The following IL1RAPL1 variants were observed in gnomAD, a reference collection of about 807,000 sequenced individuals.
IL1RAPL1 encodes the protein interleukin-1 receptor accessory protein-like 1.
IL1RAPL1 carries 3 observed loss-of-function variants against 48.4 expected under a neutral mutation model. The ratio of observed to expected loss-of-function variants is 0.06; its 90% CI spans 0.03 to 0.16. The LOEUF (loss-of-function observed/expected upper bound fraction) is 0.16, where lower values mean the gene tolerates loss of function less well. Ranked by LOEUF, IL1RAPL1 falls within the 10% of genes least tolerant of loss-of-function variation. IL1RAPL1 has a pLI of 1.00. For missense variants in IL1RAPL1, 349 were observed against 530.6 expected, an observed-to-expected ratio of 0.66 and a Z score of 3.36; for synonymous variants, 185 against 187.7, an observed-to-expected ratio of 0.99 and a Z score of 0.12.
chrX:29,175,006 G>A (rs781770554), intron 2 of IL1RAPL1, among the ~76,000 whole-genome samples: 14 of 107,058 alleles, frequency 1.3e-4, no homozygotes, highest in East Asian at 2.9e-4. Flanking sequence ...CCCGGGAGGC[G>A]GAGCTTGCAG....
chrX:28,724,197 T>C (rs2146942069), intron 1 of IL1RAPL1, among the ~76,000 whole-genome samples: 1 of 111,588 alleles, frequency 9.0e-6, no homozygotes, highest in East Asian at 2.8e-4. Flanking sequence ...AGTGCAGCGT[T>C]AAAGTCACCC....
At chrX:29,188,613 G>C (rs1930296770) in intron 2 of IL1RAPL1, among the ~76,000 whole-genome samples, 1 of 90,902 alleles carries the variant, frequency 1.1e-5, no homozygotes, top group Non-Finnish European at 2.1e-5. Context: ...TTGAGATGGA[G>C]TCTTGCTCTG....
At chrX:28,605,915 G>A (rs763875071) in intron 1 of IL1RAPL1, among the ~76,000 whole-genome samples, 2 of 110,107 alleles carry the variant, frequency 1.8e-5, no homozygotes, top group African/African-American at 3.3e-5. Flanking sequence ...AAGTCTCAAG[G>A]CTAACTTCCT....
At chrX:29,427,808 T>G (rs901260737) in intron 5 of IL1RAPL1, among the ~76,000 whole-genome samples, 9 of 111,924 alleles carry the variant, frequency 8.0e-5, no homozygotes, top group Admixed American at 1.9e-4. Flanking sequence ...AAGGGTAGGT[T>G]ATTGTTTAAC....
intron 1 of IL1RAPL1, among the ~76,000 whole-genome samples, chrX:28,670,095 G>C (rs1019215111): frequency 3.6e-5 from 4 of 111,286 alleles, no homozygotes; most frequent in African/African-American, 1.3e-4. Context: ...CCAAGCCTGA[G>C]GACTTTCCCA....
intron 3 of IL1RAPL1, among the ~76,000 whole-genome samples, chrX:29,305,668 G>A (rs747662810): frequency 1.8e-5 from 2 of 111,811 alleles, no homozygotes; most frequent in Non-Finnish European, 3.8e-5. Flanking sequence ...AAAGTATGAG[G>A]AAGTAAATAA....
intron 2 of IL1RAPL1, among the ~76,000 whole-genome samples, chrX:29,173,353 T>C (rs1929945601): frequency 8.9e-6 from 1 of 112,385 alleles, no homozygotes; most frequent in Non-Finnish European, 1.9e-5. Context: ...CAATTTCTAG[T>C]ATCACTGATT....
intron 5 of IL1RAPL1, among the ~76,000 whole-genome samples, chrX:29,605,111 CACACACACACACACACGG>C (rs1421631048): frequency 9.5e-6 from 1 of 105,772 alleles, no homozygotes; most frequent in Non-Finnish European, 2.0e-5. Context: ...CACACACACA[CACACACACACACACACGG>C]AGGGAGGGAG....
chrX:29,604,769 T>C (rs1923834192), intron 5 of IL1RAPL1, among the ~76,000 whole-genome samples: 1 of 111,506 alleles, frequency 9.0e-6, no homozygotes, highest in African/African-American at 3.3e-5. Context: ...TAGAAAGTGC[T>C]TTTTTAACCC....
At chrX:29,491,177 A>G (rs763549782) in intron 5 of IL1RAPL1, among the ~76,000 whole-genome samples, 2 of 111,932 alleles carry the variant, frequency 1.8e-5, no homozygotes, top group South Asian at 7.4e-4. Flanking sequence ...ATTTGAAGTG[A>G]CTGAGTATTC....
At chrX:29,131,152 C>T (rs1397134718) in intron 2 of IL1RAPL1, among the ~76,000 whole-genome samples, 2 of 111,670 alleles carry the variant, frequency 1.8e-5, no homozygotes, top group Non-Finnish European at 3.8e-5. Context: ...CAGTGCTAGG[C>T]TCTTGCCATT....
At chrX:29,896,475 G>A (rs1333584226) in intron 6 of IL1RAPL1, among the ~76,000 whole-genome samples, 1 of 112,185 alleles carries the variant, frequency 8.9e-6, no homozygotes. Context: ...TGTGGAGTTT[G>A]TGTGTATACA....
At chrX:28,881,360 G>A (rs1159263959) in intron 2 of IL1RAPL1, among the ~76,000 whole-genome samples, 1 of 111,931 alleles carries the variant, frequency 8.9e-6, no homozygotes, top group Non-Finnish European at 1.9e-5. Flanking sequence ...TGGCCTCAAC[G>A]TCTTATCATT....
chrX:28,653,930 T>A (rs1934717917), intron 1 of IL1RAPL1, among the ~76,000 whole-genome samples: 1 of 111,903 alleles, frequency 8.9e-6, no homozygotes, highest in African/African-American at 3.3e-5. Flanking sequence ...GACCCTTTTA[T>A]ATATGCCATC....
intron 9 of IL1RAPL1, among the ~76,000 whole-genome samples, chrX:29,948,847 A>G (rs377342829): frequency 6.4e-4 from 44 of 69,029 alleles, no homozygotes; most frequent in African/African-American, 2.0e-3. Context: ...AAAAAAAAAG[A>G]AAAAAAAAAA....
At chrX:28,678,583 G>A (rs1289989337) in intron 1 of IL1RAPL1, among the ~76,000 whole-genome samples, 3 of 111,444 alleles carry the variant, frequency 2.7e-5, no homozygotes, top group Non-Finnish European at 5.7e-5. Flanking sequence ...AGTCCCAATA[G>A]ACCATAGAGA....
intron 2 of IL1RAPL1, among the ~76,000 whole-genome samples, chrX:29,055,169 A>G (rs1271441206): frequency 1.8e-5 from 2 of 111,457 alleles, no homozygotes; most frequent in East Asian, 5.6e-4. Flanking sequence ...AACCTTTACT[A>G]TTCCTCAGTT....
intron 6 of IL1RAPL1, among the ~76,000 whole-genome samples, chrX:29,755,825 G>T (rs1354576522): frequency 8.9e-6 from 1 of 111,800 alleles, no homozygotes; most frequent in African/African-American, 3.3e-5. Context: ...TGACAGATTC[G>T]GATGTCTCTA....
intron 2 of IL1RAPL1, among the ~76,000 whole-genome samples, chrX:29,226,588 C>T (rs1931085702): frequency 9.2e-6 from 1 of 108,740 alleles, no homozygotes; most frequent in African/African-American, 3.4e-5. Context: ...CCCGCCACCA[C>T]ATCTGGCTAA....
Sources: gnomAD v4.1 joint callset for allele counts (sites outside exome capture counted in the v4.1 genomes callset) on GRCh38, gnomAD v4.1.1 for gene constraint, MANE v1.5 for transcripts, NCBI Gene and HGNC (gene_info 2026-07-23, HGNC 2026-07-21) for gene names.